Variants in THSD4 observed in about 807,000 individuals in gnomAD.
THSD4 encodes thrombospondin type 1 domain containing 4.
THSD4 carries 69 observed loss-of-function variants against 119.0 expected under a neutral mutation model. That is an observed-to-expected ratio of 0.58 (90% CI 0.48 to 0.71). THSD4 has a LOEUF of 0.71. Among genes scored for constraint, THSD4 ranks in the 30% least tolerant of loss-of-function variants. The pLI, the probability that THSD4 is intolerant of heterozygous loss-of-function variation, is 0.00. For missense variants in THSD4, 1,393 were observed against 1,391.1 expected (o/e 1.00, Z -0.02); for synonymous variants, 524 against 540.4 (o/e 0.97, Z 0.42).
intron 7 of THSD4, among the ~76,000 whole-genome samples, chr15:71,477,473 G>A (rs1052460146): frequency 3.9e-5 from 6 of 152,140 alleles, no homozygotes; most frequent in South Asian, 2.1e-4. Flanking sequence ...AAGGACGGGC[G>A]GACAGCAAGA....
intron 7 of THSD4, chr15:71,547,117 C>T (rs2048848126): frequency 2.2e-6 from 2 of 918,678 alleles, no homozygotes; most frequent in Non-Finnish European, 2.8e-6. Context: ...TTGATCATTT[C>T]TGTCCCTCCC....
At chr15:71,466,975 C>T (rs1595795425) in intron 7 of THSD4, among the ~76,000 whole-genome samples, 1 of 152,236 alleles carries the variant, frequency 6.6e-6, no homozygotes, top group East Asian at 1.9e-4. Flanking sequence ...CCGGTGTCCC[C>T]TGTGAGGCAT....
At chr15:71,118,040 G>A (rs1567130357) in intron 1 of THSD4, among the ~76,000 whole-genome samples, 1 of 152,254 alleles carries the variant, frequency 6.6e-6, no homozygotes, top group East Asian at 1.9e-4. Flanking sequence ...TGCATGGGAG[G>A]AGCTAGGGCA....
intron 7 of THSD4, among the ~76,000 whole-genome samples, chr15:71,510,301 T>C (rs904192067): frequency 6.6e-6 from 1 of 152,214 alleles, no homozygotes; most frequent in African/African-American, 2.4e-5. Context: ...TCACTTATTT[T>C]GTATTTATTG....
intron 6 of THSD4, among the ~76,000 whole-genome samples, chr15:71,366,475 C>T (rs1006206435): frequency 5.3e-5 from 8 of 152,148 alleles, no homozygotes; most frequent in African/African-American, 1.9e-4. Flanking sequence ...GAGGTGACTC[C>T]TCCTCTCATG....
At chr15:71,643,579 G>T (rs1595821101) in intron 7 of THSD4, among the ~76,000 whole-genome samples, 2 of 152,134 alleles carry the variant, frequency 1.3e-5, no homozygotes, top group African/African-American at 2.4e-5. Flanking sequence ...TTCTGTTCCT[G>T]CATTAGTTTG....
chr15:71,718,883 C>T (rs1355852731), intron 8 of THSD4, among the ~76,000 whole-genome samples: 3 of 152,176 alleles, frequency 2.0e-5, no homozygotes, highest in South Asian at 4.1e-4. Flanking sequence ...TCTCTGGTCA[C>T]GTTGTATTGG....
intron 2 of THSD4, among the ~76,000 whole-genome samples, chr15:71,146,307 A>G (rs186401724): frequency 1.3e-5 from 2 of 152,292 alleles, no homozygotes; most frequent in Admixed American, 6.5e-5. Context: ...TGAGGTTTCC[A>G]TTTGGGTTTC....
chr15:71,399,269 G>T (rs1212831730), intron 6 of THSD4, among the ~76,000 whole-genome samples: 3 of 152,190 alleles, frequency 2.0e-5, no homozygotes, highest in Non-Finnish European at 4.4e-5. Context: ...CGTAGGCAAG[G>T]ATTGGCTGAA....
intron 6 of THSD4, among the ~76,000 whole-genome samples, chr15:71,322,205 A>C (rs1430079368): frequency 6.6e-6 from 1 of 152,172 alleles, no homozygotes; most frequent in Non-Finnish European, 1.5e-5. Flanking sequence ...CCTGATTTGT[A>C]CCTGCTGACT....
chr15:71,272,432 TGGG>T (rs1373057549), intron 6 of THSD4, among the ~76,000 whole-genome samples: 1 of 103,072 alleles, frequency 9.7e-6, no homozygotes, highest in African/African-American at 3.6e-5. Flanking sequence ...AAGAAAGAAG[TGGG>T]GAGGGAGGGG....
intron 7 of THSD4, among the ~76,000 whole-genome samples, chr15:71,613,365 T>C (rs2140914329): frequency 6.6e-6 from 1 of 152,288 alleles, no homozygotes; most frequent in East Asian, 1.9e-4. Context: ...CCATTGTTTG[T>C]TTTTTCAATT....
intron 3 of THSD4, among the ~76,000 whole-genome samples, chr15:71,182,710 C>G (rs1295977168): frequency 6.6e-6 from 1 of 151,652 alleles, no homozygotes; most frequent in African/African-American, 2.4e-5. Flanking sequence ...GCACAGTCTT[C>G]TGGGCACTGT....
At chr15:71,264,203 A>G (rs2044437659) in intron 6 of THSD4, among the ~76,000 whole-genome samples, 1 of 152,234 alleles carries the variant, frequency 6.6e-6, no homozygotes, top group African/African-American at 2.4e-5. Flanking sequence ...ACCTGGAATT[A>G]GAGTGTTCGT....
chr15:71,730,274 A>C (rs967456994), intron 9 of THSD4: 2 of 152,176 alleles, frequency 1.3e-5, no homozygotes, highest in African/African-American at 4.8e-5. Flanking sequence ...CAGAAACATC[A>C]AACCCGACCG....
intron 7 of THSD4, among the ~76,000 whole-genome samples, chr15:71,567,605 C>CA (rs2049268009): frequency 9.9e-6 from 1 of 100,774 alleles, no homozygotes; most frequent in Admixed American, 1.1e-4. Context: ...CACCCCCCCA[C>CA]ACACACACAC....
At chr15:71,274,324 C>T (rs2044566063) in intron 6 of THSD4, among the ~76,000 whole-genome samples, 1 of 152,182 alleles carries the variant, frequency 6.6e-6, no homozygotes, top group Admixed American at 6.5e-5. Context: ...TGAAATGTAA[C>T]ACGCAAGTAT....
At chr15:71,689,044 C>T (rs965679069) in intron 8 of THSD4, among the ~76,000 whole-genome samples, 3 of 152,206 alleles carry the variant, frequency 2.0e-5, no homozygotes, top group Admixed American at 2.0e-4. Context: ...CAGGGATCCC[C>T]ACACTCTGCA....
chr15:71,525,972 G>A (rs1436721037), intron 7 of THSD4, among the ~76,000 whole-genome samples: 1 of 152,100 alleles, frequency 6.6e-6, no homozygotes, highest in African/African-American at 2.4e-5. Context: ...TCAGTAAACA[G>A]TAAGTGAATT....
Sources: allele counts gnomAD v4.1 joint callset (sites outside exome capture counted in the v4.1 genomes callset), GRCh38; gene constraint gnomAD v4.1.1; transcripts MANE v1.5; gene names NCBI Gene and HGNC (gene_info 2026-07-23, HGNC 2026-07-21).